JMJD1C: variants seen among roughly 807,000 people sequenced by gnomAD.
JMJD1C encodes the protein jumonji domain-containing protein 1C.
Under a neutral mutation model 245.3 loss-of-function variants are expected in JMJD1C, and 31 were observed. The observed-to-expected ratio is 0.13, with a 90% CI of 0.09 to 0.17. The LOEUF is 0.17. Ranked by LOEUF, JMJD1C falls within the 10% of genes least tolerant of loss-of-function variation. The pLI is 1.00. For missense variants in JMJD1C, 2,691 were observed against 3,000.2 expected, an observed-to-expected ratio of 0.90 and a Z score of 2.41; for synonymous variants, 1,057 against 1,017.4, an observed-to-expected ratio of 1.04 and a Z score of -0.74.
chr10:63,283,486 C>A (rs1857636166), intron 2 of JMJD1C, among the ~76,000 whole-genome samples: 1 of 151,982 alleles, frequency 6.6e-6, no homozygotes, highest in African/African-American at 2.4e-5. Context: ...CCTGCCTCAG[C>A]CTCCCAAGTA....
At chr10:63,325,236 G>C (rs1431711540) in intron 2 of JMJD1C, among the ~76,000 whole-genome samples, 2 of 152,176 alleles carry the variant, frequency 1.3e-5, no homozygotes, top group South Asian at 4.1e-4. Flanking sequence ...CCTTAGGAAA[G>C]CTAAATCAAA....
chr10:63,360,246 A>G (rs1231460835), intron 2 of JMJD1C, among the ~76,000 whole-genome samples: 1 of 152,108 alleles, frequency 6.6e-6, no homozygotes, highest in Non-Finnish European at 1.5e-5. Flanking sequence ...GCTAAGTCAC[A>G]GCTACTTGGG....
At chr10:63,353,563 TGG>T in intron 2 of JMJD1C, among the ~76,000 whole-genome samples, 1 of 152,206 alleles carries the variant, frequency 6.6e-6, no homozygotes, top group Non-Finnish European at 1.5e-5. Flanking sequence ...TCACCCAGGC[TGG>T]AGTGCAGTGG....
intron 2 of JMJD1C, among the ~76,000 whole-genome samples, chr10:63,302,037 G>A (rs980935671): frequency 3.3e-5 from 5 of 152,120 alleles, no homozygotes; most frequent in South Asian, 4.1e-4. Context: ...TTTCCCTTGA[G>A]ACAAGGTCTC....
intron 1 of JMJD1C, among the ~76,000 whole-genome samples, chr10:63,432,439 A>G (rs1950813512): frequency 2.3e-4 from 1 of 4,394 alleles, no homozygotes; most frequent in Non-Finnish European, 8.5e-3. Flanking sequence ...GAACCCACCC[A>G]TTGTGTGTGT....
intron 1 of JMJD1C, among the ~76,000 whole-genome samples, chr10:63,511,653 T>C (rs1283633439): frequency 2.0e-5 from 3 of 151,806 alleles, no homozygotes; most frequent in African/African-American, 4.8e-5. Context: ...AGGCAGAAGA[T>C]GCAGTGAGTG....
intron 2 of JMJD1C, among the ~76,000 whole-genome samples, chr10:63,301,189 T>C (rs540496258): frequency 1.6e-4 from 24 of 152,214 alleles, no homozygotes; most frequent in African/African-American, 5.5e-4. Flanking sequence ...CTAATTTTTG[T>C]TTCTTTGCAG....
At chr10:63,479,014 T>C (rs190841070) in intron 1 of JMJD1C, among the ~76,000 whole-genome samples, 5 of 152,340 alleles carry the variant, frequency 3.3e-5, no homozygotes, top group African/African-American at 1.2e-4. Flanking sequence ...TTGGTCTTAA[T>C]ATAAGCAAGA....
chr10:63,422,640 C>G (rs147197154), intron 1 of JMJD1C, among the ~76,000 whole-genome samples: 3 of 152,246 alleles, frequency 2.0e-5, no homozygotes, highest in Admixed American at 2.0e-4. Context: ...TACTGGACTT[C>G]CAAACTATAT....
intron 2 of JMJD1C, among the ~76,000 whole-genome samples, chr10:63,306,032 T>C (rs1023706668): frequency 2.0e-5 from 3 of 151,976 alleles, no homozygotes; most frequent in Non-Finnish European, 2.9e-5. Context: ...AGAGACCCCA[T>C]CTCTTAAAAA....
chr10:63,257,056 T>C (rs982432444), intron 3 of JMJD1C, among the ~76,000 whole-genome samples: 4 of 151,790 alleles, frequency 2.6e-5, no homozygotes, highest in African/African-American at 9.7e-5. Context: ...CCAACACTGG[T>C]GAAACCCTGT....
chr10:63,396,965 CGTT>C (rs991086906), intron 1 of JMJD1C, among the ~76,000 whole-genome samples: 18 of 146,580 alleles, frequency 1.2e-4, no homozygotes, highest in African/African-American at 3.8e-4. Context: ...GTCTCACTCT[CGTT>C]GTCTAAGCTG....
At chr10:63,216,497 T>C (rs1338390320) in intron 5 of JMJD1C, among the ~76,000 whole-genome samples, 2 of 151,618 alleles carry the variant, frequency 1.3e-5, no homozygotes, top group Non-Finnish European at 2.9e-5. Flanking sequence ...GATCACGAGG[T>C]CAGGAAATCG....
intron 2 of JMJD1C, among the ~76,000 whole-genome samples, chr10:63,363,403 T>C (rs1368697447): frequency 6.6e-6 from 1 of 151,252 alleles, no homozygotes; most frequent in Non-Finnish European, 1.5e-5. Flanking sequence ...GGATTAGAGA[T>C]GCATGCCGCC....
intron 1 of JMJD1C, among the ~76,000 whole-genome samples, chr10:63,443,191 G>A (rs1951494945): frequency 6.6e-6 from 1 of 152,162 alleles, no homozygotes; most frequent in Non-Finnish European, 1.5e-5. Flanking sequence ...CCAAACAGAA[G>A]AAATGCATGG....
At chr10:63,413,654 T>C (rs1331775798) in intron 1 of JMJD1C, among the ~76,000 whole-genome samples, 1 of 152,170 alleles carries the variant, frequency 6.6e-6, no homozygotes, top group Non-Finnish European at 1.5e-5. Context: ...GATAAGATAA[T>C]GAAAAAGTAT....
At chr10:63,448,985 C>T (rs573498073) in intron 1 of JMJD1C, among the ~76,000 whole-genome samples, 44 of 151,944 alleles carry the variant, frequency 2.9e-4, no homozygotes, top group African/African-American at 1.0e-3. Context: ...GGTGCGGTGG[C>T]GTGTGCCTGT....
chr10:63,193,628 T>G, intron 14 of JMJD1C, 156 bp from the exon 15 acceptor site: 1 of 521,294 alleles, frequency 1.9e-6, no homozygotes. Context: ...CTTCCATCTA[T>G]TACAGTTTTG....
At chr10:63,196,525 G>A (rs1230036561) in intron 13 of JMJD1C, among the ~76,000 whole-genome samples, 1 of 152,296 alleles carries the variant, frequency 6.6e-6, no homozygotes, top group East Asian at 1.9e-4. Flanking sequence ...GAAAGGGTAA[G>A]AGACTTTGGT....
Sources: gnomAD v4.1 joint callset for allele counts (sites outside exome capture counted in the v4.1 genomes callset) on GRCh38, gnomAD v4.1.1 for gene constraint, MANE v1.5 for transcripts, NCBI Gene and HGNC (gene_info 2026-07-23, HGNC 2026-07-21) for gene names.